The following SRGAP2C variants were observed in gnomAD, a reference collection of about 807,000 sequenced individuals.
SRGAP2C encodes the protein SLIT-ROBO Rho GTPase activating protein 2C, also known as SLIT-ROBO Rho GTPase-activating protein 2C.
In SRGAP2C, 15 loss-of-function variants were observed where a neutral mutation model predicts 25.1. That is an observed-to-expected ratio of 0.60 (90% CI 0.40 to 0.92). The LOEUF is 0.92. Ranked by LOEUF, SRGAP2C falls within the 40% of genes least tolerant of loss-of-function variation. The probability of loss-of-function intolerance (pLI) is 0.00; values close to 1 mark genes in which losing one functional copy is unlikely to be tolerated. For synonymous variants in SRGAP2C, 44 were observed against 96.6 expected, an observed-to-expected ratio of 0.46 and a Z score of 3.19; for missense variants, 144 against 264.4, an observed-to-expected ratio of 0.54 and a Z score of 3.16.
rs1048832 is a variant in SRGAP2C at position 121,389,148 on chromosome 1, G to T, written c.*1293G>T. On this transcript the variant is annotated 3_prime_UTR_variant, in exon 10 of 10. Transcript: ENST00000367123. Reference sequence around the variant, plus strand: ...GTCATATAATTATAATATTCTTTAAGCATATTTATGAGTAAAATATTAAAA... The same window carrying T: ...GTCATATAATTATAATATTCTTTAATCATATTTATGAGTAAAATATTAAAA... 4.0e-5 allele frequency: 6 copies of T among 151,800 alleles called. No homozygotes were observed. Among genetic ancestry groups the T allele is most frequent in the Admixed American group, 3.9e-4 (6 of 15,260 alleles). The allele number at this position is 151,800 out of a possible 1,614,324, so 9.4% of individuals were successfully genotyped here.
intron 4 of SRGAP2C, among the ~76,000 whole-genome samples, chr1:121,346,537 T>C (rs2101628577): frequency 6.6e-6 from 1 of 151,350 alleles, no homozygotes; most frequent in East Asian, 2.0e-4. Context: ...ACTTTGAAAT[T>C]GGTCTAAGAA....
intron 2 of SRGAP2C, among the ~76,000 whole-genome samples, chr1:121,233,095 G>A (rs1259611025): frequency 1.6e-5 from 2 of 126,960 alleles, no homozygotes; most frequent in East Asian, 4.8e-4. Flanking sequence ...TGGACCTTGA[G>A]TAGCTGAGTT....
chr1:121,367,821 TC>T (rs1659372608), intron 5 of SRGAP2C, among the ~76,000 whole-genome samples: 1 of 143,296 alleles, frequency 7.0e-6, no homozygotes, highest in South Asian at 2.3e-4. Context: ...ATGCCTGTAA[TC>T]CCAGCACTTT....
chr1:121,362,363 C>T (rs1395301386), intron 4 of SRGAP2C, among the ~76,000 whole-genome samples: 2 of 150,636 alleles, frequency 1.3e-5, no homozygotes, highest in Non-Finnish European at 3.0e-5. Flanking sequence ...CCAGAGGGAG[C>T]AGTAAGTCAG....
chr1:121,336,056 C>A (rs1658508427), intron 4 of SRGAP2C, among the ~76,000 whole-genome samples: 1 of 151,736 alleles, frequency 6.6e-6, no homozygotes, highest in African/African-American at 2.4e-5. Context: ...ATACTTAAGG[C>A]ATGGCCTTTC....
At chr1:121,362,322 G>C (rs1183226234) in intron 4 of SRGAP2C, 2 of 143,908 alleles carry the variant, frequency 1.4e-5, no homozygotes, top group Non-Finnish European at 3.0e-5. Flanking sequence ...AAGTGGGCTC[G>C]CTACACATGT....
chr1:121,347,841 C>A (rs1206692652), intron 4 of SRGAP2C, among the ~76,000 whole-genome samples: 1 of 149,894 alleles, frequency 6.7e-6, no homozygotes, highest in Non-Finnish European at 1.5e-5. Flanking sequence ...GCTCAATTGT[C>A]CCCAGGATTT....
chr1:121,280,490 G>A (rs1251708073), intron 2 of SRGAP2C, among the ~76,000 whole-genome samples: 1 of 150,374 alleles, frequency 6.7e-6, no homozygotes, highest in African/African-American at 2.4e-5. Context: ...TCTTTAGACA[G>A]AGCTTAGACC....
intron 2 of SRGAP2C, among the ~76,000 whole-genome samples, chr1:121,188,117 A>G (rs1654569052): frequency 6.6e-6 from 1 of 152,198 alleles, no homozygotes; most frequent in Non-Finnish European, 1.5e-5. Flanking sequence ...AAGGCCACCC[A>G]CACCCGGTCT....
chr1:121,392,239 A>T lies in SRGAP2C; in HGVS notation c.*4384A>T, dbSNP rs1308509719. 4 of 152,172 alleles carry T rather than the reference A, an allele frequency of 2.6e-5. No homozygotes were observed. The highest frequency in any genetic ancestry group is 5.9e-5 in the Non-Finnish European group (4 of 68,000). The allele number at this position is 152,172 out of a possible 1,614,324, so 9.4% of individuals were successfully genotyped here. ...CATTCATATTCTAGAAGGATAAATT[A>T]TGTTGTTAAAAAGTTTACCATTCTT... On this transcript the variant is annotated 3_prime_UTR_variant, in exon 10 of 10. Coordinates refer to ENST00000367123, the MANE Select transcript of SRGAP2C (RefSeq NM_001329984.2).
intron 2 of SRGAP2C, among the ~76,000 whole-genome samples, chr1:121,280,105 G>A (rs1457066286): frequency 1.3e-5 from 2 of 149,000 alleles, no homozygotes; most frequent in Non-Finnish European, 3.0e-5. Context: ...ACAAGGTTGA[G>A]CAACAATCAT....
In SRGAP2C at chr1:121,222,559, G is replaced by T. The variant is rs587727861; in HGVS notation, c.67+35046G>T. 5.9e-5 allele frequency among the ~76,000 whole-genome samples: 9 copies of T among 152,276 alleles called. No individual in the cohort carries two copies. In the East Asian group the frequency reaches 1.2e-3, roughly 20 times the overall value. On this transcript the variant is annotated intron_variant, in intron 2 of 9. Transcript: ENST00000367123. ...CAGGAGGATCACCTAAGCCCGGAAG[G>T]TCGAGGCTACGGTGCTGTAATCATG...
chr1:121,275,564 C>T (rs587666378), intron 2 of SRGAP2C, among the ~76,000 whole-genome samples: 77 of 107,752 alleles, frequency 7.1e-4, no homozygotes, highest in African/African-American at 3.0e-3. Flanking sequence ...GCAGCTTTTT[C>T]ACTTGGGATC....
chr1:121,370,632 G>A (rs1170836187), intron 5 of SRGAP2C, among the ~76,000 whole-genome samples: 1 of 151,918 alleles, frequency 6.6e-6, no homozygotes, highest in Non-Finnish European at 1.5e-5. Context: ...TTTTAGTAGA[G>A]ACGGGGTTTC....
intron 3 of SRGAP2C, among the ~76,000 whole-genome samples, chr1:121,296,444 T>C (rs1363567428): frequency 3.5e-5 from 3 of 86,824 alleles, no homozygotes; most frequent in Admixed American, 1.4e-4. Context: ...CCTAATTATG[T>C]ATCAGGAATT....
chr1:121,222,503 A>G (rs1553325841), intron 2 of SRGAP2C, among the ~76,000 whole-genome samples: 1 of 152,022 alleles, frequency 6.6e-6, no homozygotes, highest in Non-Finnish European at 1.5e-5. Flanking sequence ...GTGGCGCCCA[A>G]CTGTGGTCGC....
At chr1:121,253,895 A>T (rs1302374793) in intron 2 of SRGAP2C, among the ~76,000 whole-genome samples, 1 of 150,398 alleles carries the variant, frequency 6.6e-6, no homozygotes, top group African/African-American at 2.4e-5. Context: ...GCCTACTGCT[A>T]TAAATTAATT....
intron 2 of SRGAP2C, among the ~76,000 whole-genome samples, chr1:121,249,569 TATATATATA>T (rs1260124697): frequency 3.0e-4 from 9 of 30,374 alleles, no homozygotes; most frequent in Admixed American, 4.8e-4. Flanking sequence ...TATATATATA[TATATATATA>T]TATTTTTTTT....
chr1:121,280,570 C>G (rs1426793897), intron 2 of SRGAP2C, among the ~76,000 whole-genome samples: 4 of 151,768 alleles, frequency 2.6e-5, no homozygotes, highest in Admixed American at 6.6e-5. Context: ...GTAAGATTTG[C>G]TGAATAAATG....
Sources: gnomAD v4.1 joint callset for allele counts (sites outside exome capture counted in the v4.1 genomes callset) on GRCh38, gnomAD v4.1.1 for gene constraint, MANE v1.5 for transcripts, NCBI Gene and HGNC (gene_info 2026-07-23, HGNC 2026-07-21) for gene names.